MYO6: variants seen among roughly 807,000 people sequenced by gnomAD.
MYO6 encodes unconventional myosin-VI.
A neutral mutation model predicts 178.7 loss-of-function variants in MYO6; 74 were observed. The ratio of observed to expected loss-of-function variants is 0.41; its 90% CI spans 0.34 to 0.50. The LOEUF is 0.50. MYO6 is among the 20% of genes least tolerant of loss of function. MYO6 has a pLI of 0.09. For synonymous variants in MYO6, 477 were observed against 504.6 expected (o/e 0.95, Z 0.73); for missense variants, 1,330 against 1,547.4 (o/e 0.86, Z 2.36).
At chr6:75,913,247 G>T (rs1322549) in intron 33 of MYO6, among the ~76,000 whole-genome samples, 57,094 of 151,932 alleles carry the variant, frequency 0.38, 12,128 homozygotes, top group Middle Eastern at 0.53. Context: ...GCAGATAAAA[G>T]AAAAACCTAA....
chr6:75,787,680 C>A (rs1562157709), intron 1 of MYO6, among the ~76,000 whole-genome samples: 80 of 12,438 alleles, frequency 6.4e-3, no homozygotes, highest in East Asian at 0.056. Flanking sequence ...GAACTATTCT[C>A]TCTCTCTCTC....
intron 1 of MYO6, among the ~76,000 whole-genome samples, chr6:75,796,963 A>G (rs1228267638): frequency 6.6e-6 from 1 of 152,150 alleles, no homozygotes; most frequent in Non-Finnish European, 1.5e-5. Flanking sequence ...TATGTGTACT[A>G]TATTTTCTTT....
chr6:75,829,951 T>C (rs555054362), intron 4 of MYO6, among the ~76,000 whole-genome samples: 2 of 152,276 alleles, frequency 1.3e-5, no homozygotes, highest in East Asian at 3.9e-4. Context: ...ATTAAACTCC[T>C]TAGTAGCAGG....
At chr6:75,778,885 C>T (rs1766662897) in intron 1 of MYO6, among the ~76,000 whole-genome samples, 1 of 151,384 alleles carries the variant, frequency 6.6e-6, no homozygotes, top group Non-Finnish European at 1.5e-5. Context: ...AATCCTATCT[C>T]TACAAAAAAA....
intron 1 of MYO6, among the ~76,000 whole-genome samples, chr6:75,791,147 A>G (rs541182323): frequency 9.2e-5 from 14 of 152,162 alleles, no homozygotes; most frequent in Middle Eastern, 3.4e-3. Flanking sequence ...GTTAGCCAGG[A>G]TGGTCTTGAT....
At chr6:75,787,676 T>TTC (rs765565236) in intron 1 of MYO6, among the ~76,000 whole-genome samples, 55 of 24,992 alleles carry the variant, frequency 2.2e-3, no homozygotes, top group Middle Eastern at 0.056. Context: ...AATGGAACTA[T>TTC]TCTCTCTCTC....
At chr6:75,812,011 T>C (rs1451644453) in intron 1 of MYO6, among the ~76,000 whole-genome samples, 4 of 152,024 alleles carry the variant, frequency 2.6e-5, no homozygotes, top group African/African-American at 7.2e-5. Context: ...GGTTTTTTTT[T>C]CTGTTTTTTG....
intron 23 of MYO6, among the ~76,000 whole-genome samples, chr6:75,882,134 T>C (rs1583351881): frequency 6.6e-6 from 1 of 152,178 alleles, no homozygotes; most frequent in South Asian, 2.1e-4. Context: ...AACTTTTCTT[T>C]CTGCCTGCAT....
chr6:75,778,916 G>A (rs760586835), intron 1 of MYO6, among the ~76,000 whole-genome samples: 3 of 151,830 alleles, frequency 2.0e-5, no homozygotes, highest in Non-Finnish European at 2.9e-5. Context: ...AATCAGCTGG[G>A]TATGGTGGTG....
At chr6:75,846,688 G>A (rs1190110792) in intron 10 of MYO6, among the ~76,000 whole-genome samples, 1 of 151,976 alleles carries the variant, frequency 6.6e-6, no homozygotes, top group Admixed American at 6.6e-5. Context: ...CTTTCACTAA[G>A]ATAATGGAGA....
At chr6:75,876,881 T>C (rs897475099) in intron 20 of MYO6, among the ~76,000 whole-genome samples, 3 of 152,234 alleles carry the variant, frequency 2.0e-5, no homozygotes, top group African/African-American at 7.2e-5. Context: ...TACGAAGCTT[T>C]CTAAAATAAA....
chr6:75,796,597 C>G (rs1015240584), intron 1 of MYO6, among the ~76,000 whole-genome samples: 1 of 151,060 alleles, frequency 6.6e-6, no homozygotes, highest in East Asian at 1.9e-4. Flanking sequence ...TCTCTGCCCC[C>G]TCTAGTAGTC....
rs1175390201 is a variant in MYO6, at chr6:75,915,754, TA to T, written c.*746del. ...AGGAAATTCAGATTGTTTAAATGCC[TA>T]AAAGTTTTGAGATAAGTTTTGTTTC... On this transcript the variant is annotated 3_prime_UTR_variant, in exon 35 of 35. Transcript: ENST00000369977. 6.6e-6 allele frequency: 1 copy of T among 152,638 alleles called. No homozygotes were observed. Among genetic ancestry groups the T allele is most frequent in the East Asian group, 1.9e-4 (1 of 5,202 alleles). 9.5% of individuals were successfully genotyped at this position (152,638 alleles called of 1,614,324 possible). A position where few individuals can be genotyped will look rare whatever the true frequency, so the allele number is the denominator to read the frequency against.
intron 18 of MYO6, 137 bp downstream of exon 18, chr6:75,867,242 G>A: frequency 2.9e-6 from 2 of 692,036 alleles, no homozygotes; most frequent in East Asian, 5.6e-5. Flanking sequence ...GTTGATATTT[G>A]TATGTAAAAT....
chr6:75,802,464 G>A (rs1380752609), intron 1 of MYO6, among the ~76,000 whole-genome samples: 2 of 125,580 alleles, frequency 1.6e-5, no homozygotes, highest in Admixed American at 1.8e-4. Flanking sequence ...GCGAGACTCA[G>A]TATCAAAAAA....
At chr6:75,750,515 G>A (rs1257663352) in intron 1 of MYO6, among the ~76,000 whole-genome samples, 1 of 151,480 alleles carries the variant, frequency 6.6e-6, no homozygotes, top group Non-Finnish European at 1.5e-5. Flanking sequence ...TTAACTGTAC[G>A]GGCTAAATAA....
At chr6:75,859,029 T>G in intron 14 of MYO6, 36 bp downstream of exon 14, 1 of 1,321,332 alleles carries the variant, frequency 7.6e-7, no homozygotes, top group Non-Finnish European at 1.1e-6. Context: ...AAGATCTGCA[T>G]AAAGCTATTT....
chr6:75,806,795 G>T (rs1428232783), intron 1 of MYO6, among the ~76,000 whole-genome samples: 1 of 152,250 alleles, frequency 6.6e-6, no homozygotes, highest in East Asian at 1.9e-4. Flanking sequence ...TCTAATGTCT[G>T]TAGAAACAAT....
Position 75,867,090 on chromosome 6 carries a change from G to T in MYO6, c.1929G>T (p.Val643=). 6.2e-7 allele frequency: 1 copy of T among 1,612,874 alleles called. No individual in the cohort carries two copies. Among genetic ancestry groups the T allele is most frequent in the Non-Finnish European group, 8.5e-7 (1 of 1,179,450 alleles). The change falls in exon 18 of 35, where the codon GTG becomes GTT. Residue 643 remains valine (V), a synonymous_variant. Coordinates refer to ENST00000369977, the MANE Select transcript of MYO6 (RefSeq NM_004999.4). Reference sequence around the variant, plus strand: ...CAGGAAAACTTAGCTTCATCAGCGTGGGAAACAAGTTTAAGGTATTTGTGT... The same window carrying T: ...CAGGAAAACTTAGCTTCATCAGCGTTGGAAACAAGTTTAAGGTATTTGTGT... ...QKAGKLSFIS[V]GNKFKTQLNL...
Sources: gnomAD v4.1 joint callset for allele counts (sites outside exome capture counted in the v4.1 genomes callset) on GRCh38, gnomAD v4.1.1 for gene constraint, MANE v1.5 for transcripts, NCBI Gene and HGNC (gene_info 2026-07-23, HGNC 2026-07-21) for gene names.